TNRC6A: variants seen among roughly 807,000 people sequenced by gnomAD.
The protein encoded by TNRC6A is trinucleotide repeat containing adaptor 6A.
A neutral mutation model predicts 221.2 loss-of-function variants in TNRC6A; 44 were observed. The ratio of observed to expected loss-of-function variants is 0.20; its 90% CI spans 0.16 to 0.26. The LOEUF is 0.26. TNRC6A is among the 10% of genes least tolerant of loss of function. TNRC6A has a pLI of 1.00. For missense variants in TNRC6A, 2,199 were observed against 2,404.4 expected (o/e 0.91, Z 1.79); for synonymous variants, 847 against 838.5 (o/e 1.01, Z -0.18).
chr16:24,665,216 C>A (rs1156431101), intron 2 of TNRC6A, among the ~76,000 whole-genome samples: 1 of 152,020 alleles, frequency 6.6e-6, no homozygotes, highest in Non-Finnish European at 1.5e-5. Context: ...ACTACAAGCT[C>A]ATGTTTTTAA....
intron 20 of TNRC6A, 135 bp from the exon 21 acceptor site, chr16:24,818,458 C>T: frequency 2.9e-6 from 2 of 680,484 alleles, no homozygotes; most frequent in Non-Finnish European, 5.3e-6. Context: ...ATGTCTCGGG[C>T]ACCATCTTAC....
At chr16:24,806,401 C>T in intron 16 of TNRC6A, 118 bp downstream of exon 16, 1 of 1,399,858 alleles carries the variant, frequency 7.1e-7, no homozygotes, top group Non-Finnish European at 9.8e-7. Context: ...AGATGTAATG[C>T]AGTATGTTTT....
chr16:24,634,338 G>T (rs1283105350), intron 1 of TNRC6A, among the ~76,000 whole-genome samples: 1 of 152,072 alleles, frequency 6.6e-6, no homozygotes, highest in Non-Finnish European at 1.5e-5. Context: ...GCTGAGGCAG[G>T]TGGATCCTTT....
Position 24,777,069 on chromosome 16 carries a change from A to G in TNRC6A, c.300A>G (p.Gln100=), listed in dbSNP as rs1051117424. ...ANNQQPQQQQ[Q]QQQPQQQQPQ... ...ATCAGCAGCCACAGCAGCAGCAGCAACAGCAGCAGCCGCAGCAGCAGCAGC... is the reference window on the plus strand; with the variant it reads ...ATCAGCAGCCACAGCAGCAGCAGCAGCAGCAGCAGCCGCAGCAGCAGCAGC... The change falls in exon 5 of 25, where the codon CAA becomes CAG. Residue 100 remains glutamine, a synonymous_variant. Transcript: ENST00000395799. 22 of 1,606,516 alleles carry G rather than the reference A, an allele frequency of 1.4e-5. No individual in the cohort carries two copies. The highest frequency in any genetic ancestry group is 8.9e-5 in the East Asian group (4 of 44,724).
intron 5 of TNRC6A, among the ~76,000 whole-genome samples, chr16:24,788,629 C>CCTT (rs1315349258): frequency 1.3e-5 from 2 of 150,764 alleles, no homozygotes; most frequent in Non-Finnish European, 2.9e-5. Context: ...GCCTCCTAGA[C>CCTT]CTTCTTGACT....
chr16:24,680,760 T>TGTTG (rs1340404140), intron 2 of TNRC6A, among the ~76,000 whole-genome samples: 1 of 150,984 alleles, frequency 6.6e-6, no homozygotes, highest in Non-Finnish European at 1.5e-5. Flanking sequence ...AGCGTTTTTT[T>TGTTG]GTTTGTTTGT....
rs117533922 is a variant in TNRC6A at position 24,745,218 on chromosome 16, G to A, written c.54-5508G>A. On this transcript the variant is annotated intron_variant, in intron 2 of 24. Transcript: ENST00000395799. Reference sequence around the variant, plus strand: ...TTACAGCTGAAGCTTTTGAAAAACCGATCCAAATCTCCAACTTCCTTACCT... The same window carrying A: ...TTACAGCTGAAGCTTTTGAAAAACCAATCCAAATCTCCAACTTCCTTACCT... 1.0e-3 allele frequency among the ~76,000 whole-genome samples: 157 copies of A among 152,170 alleles called. 1 individual carries two copies. In the East Asian group the frequency reaches 0.026, roughly 25 times the overall value.
At chr16:24,706,962 T>C (rs919125366) in intron 2 of TNRC6A, among the ~76,000 whole-genome samples, 1 of 147,860 alleles carries the variant, frequency 6.8e-6, no homozygotes, top group Non-Finnish European at 1.5e-5. Context: ...AAACGATGTA[T>C]TTATTTATTT....
At chr16:24,704,664 CAAAAAAAAAAAAAA>C (rs58926085) in intron 2 of TNRC6A, among the ~76,000 whole-genome samples, 19 of 69,464 alleles carry the variant, frequency 2.7e-4, no homozygotes, top group African/African-American at 6.9e-4. Context: ...GACTCCGTCT[CAAAAAAAAAAAAAA>C]AAAAAAAAAA....
At chr16:24,793,326 C>A in intron 6 of TNRC6A, 147 bp from the exon 7 acceptor site, 3 of 458,350 alleles carry the variant, frequency 6.5e-6, no homozygotes, top group South Asian at 1.1e-4. Flanking sequence ...AAACAGATGC[C>A]ATCTTTTTGC....
In TNRC6A at chr16:24,805,026, A is replaced by G. The variant is rs1404139957; in HGVS notation, c.3997A>G (p.Ser1333Gly). Residue 1333 changes from serine to glycine, a missense_variant, in exon 14 of 25, where the codon AGT becomes GGT. Physicochemically the swap from Ser to Gly is moderately conservative, Grantham distance 56 (BLOSUM62 0). Transcript: ENST00000395799. ...LNSVRQNGNP[S>G]MFGVGNTAAQ... ...TTTGTTTTTATAGAATGGCAATCCC[A>G]GTATGTTTGGTGTTGGAAACACAGC... 1 of 1,614,238 alleles carries G rather than the reference A, an allele frequency of 6.2e-7. No individual in the cohort carries two copies. Among genetic ancestry groups the G allele is most frequent in the South Asian group, 1.1e-5 (1 of 91,086 alleles).
intron 17 of TNRC6A, among the ~76,000 whole-genome samples, chr16:24,808,972 C>A (rs192730074): frequency 6.6e-6 from 1 of 152,264 alleles, no homozygotes; most frequent in Admixed American, 6.5e-5. Flanking sequence ...ATATATCTGT[C>A]CCCAGCCTAG....
chr16:24,813,418 G>A (rs535963429), intron 18 of TNRC6A, among the ~76,000 whole-genome samples: 123 of 152,314 alleles, frequency 8.1e-4, no homozygotes, highest in Non-Finnish European at 1.6e-3. Flanking sequence ...CTACTTAAAA[G>A]TGAGAACATA....
chr16:24,709,740 A>C (rs964423359), intron 2 of TNRC6A, among the ~76,000 whole-genome samples: 1 of 149,724 alleles, frequency 6.7e-6, no homozygotes, highest in Non-Finnish European at 1.5e-5. Context: ...CAGGAGGATC[A>C]CTTGAGCCCA....
chr16:24,785,468 T>C (rs1350407700), intron 5 of TNRC6A, among the ~76,000 whole-genome samples: 1 of 152,234 alleles, frequency 6.6e-6, no homozygotes, highest in Non-Finnish European at 1.5e-5. Flanking sequence ...TTTATGGCTG[T>C]TAATGATTAA....
chr16:24,777,643 CA>C (rs534582000), intron 5 of TNRC6A, among the ~76,000 whole-genome samples: 137 of 152,240 alleles, frequency 9.0e-4, no homozygotes, highest in African/African-American at 3.1e-3. Flanking sequence ...TAAAATTGAG[CA>C]CCCTTCCCCC....
intron 2 of TNRC6A, among the ~76,000 whole-genome samples, chr16:24,714,642 T>C (rs1233776552): frequency 6.6e-6 from 1 of 152,164 alleles, no homozygotes; most frequent in Non-Finnish European, 1.5e-5. Context: ...TTTTTTCTTC[T>C]CAGACATTGT....
intron 1 of TNRC6A, chr16:24,640,778 T>G (rs1901910592): frequency 6.6e-6 from 1 of 151,436 alleles, no homozygotes; most frequent in Non-Finnish European, 1.5e-5. Flanking sequence ...GAGTTGCACA[T>G]GGGTTTGTGT....
intron 10 of TNRC6A, 45 bp downstream of exon 10, chr16:24,797,615 C>G (rs1199062757): frequency 7.1e-6 from 10 of 1,400,540 alleles, no homozygotes; most frequent in South Asian, 1.3e-5. Flanking sequence ...TAATGGTGGT[C>G]CATGATTTAT....
Sources: allele counts gnomAD v4.1 joint callset (sites outside exome capture counted in the v4.1 genomes callset), GRCh38; gene constraint gnomAD v4.1.1; transcripts MANE v1.5; gene names NCBI Gene and HGNC (gene_info 2026-07-23, HGNC 2026-07-21).